HECTD4: variants seen among roughly 807,000 people sequenced by gnomAD.
The protein encoded by HECTD4 is probable E3 ubiquitin-protein ligase HECTD4.
HECTD4 carries 114 observed loss-of-function variants against 471.5 expected under a neutral mutation model. The observed-to-expected ratio is 0.24, with a 90% CI of 0.21 to 0.28. HECTD4 has a LOEUF of 0.28. Ranked by LOEUF, HECTD4 falls within the 10% of genes least tolerant of loss-of-function variation. HECTD4 has a pLI of 1.00. For synonymous variants in HECTD4, 2,012 were observed against 2,256.0 expected (o/e 0.89, Z 3.07); for missense variants, 3,866 against 5,651.5 (o/e 0.68, Z 10.13).
Position 112,163,342 on chromosome 12 carries a change from G to T in HECTD4, c.12898-78C>A, listed in dbSNP as rs1184298408. On this transcript the variant is annotated intron_variant, in intron 74 of 75. Coordinates refer to ENST00000682272, the MANE Select transcript of HECTD4 (RefSeq NM_001388303.1). This position sits in a 1 kb window ranked among gnomAD's most constrained non-coding sequence, Gnocchi z 8.2. ...GCCTCCCCAGCCCTGGGGTCTGCAGGCCAGGCCCAATCCTGGGGCAGGGTG... is the reference window on the plus strand; with the variant it reads ...GCCTCCCCAGCCCTGGGGTCTGCAGTCCAGGCCCAATCCTGGGGCAGGGTG... The T allele has an allele frequency of 3.7e-6, 5 of 1,350,690 alleles. No individual in the cohort carries two copies. The highest frequency in any genetic ancestry group is 4.1e-6 in the Non-Finnish European group (4 of 982,788). The allele number at this position is 1,350,690 out of a possible 1,614,324, so 83.7% of individuals were successfully genotyped here. A position where few individuals can be genotyped will look rare whatever the true frequency, so the allele number is the denominator to read the frequency against.
intron 38 of HECTD4, 48 bp from the exon 39 acceptor site, chr12:112,231,763 G>A (rs772532799): frequency 4.7e-6 from 7 of 1,492,804 alleles, no homozygotes; most frequent in Non-Finnish European, 6.4e-6. Flanking sequence ...AGTCTTCCCA[G>A]CACTATATTT....
chr12:112,337,440 G>GA (rs1176293336), intron 1 of HECTD4, among the ~76,000 whole-genome samples: 1 of 152,076 alleles, frequency 6.6e-6, no homozygotes, highest in Non-Finnish European at 1.5e-5. Context: ...GAGAGAAACA[G>GA]AAAAAAACTC....
intron 1 of HECTD4, among the ~76,000 whole-genome samples, chr12:112,332,466 A>C (rs1237333212): frequency 2.0e-5 from 3 of 148,044 alleles, no homozygotes; most frequent in Non-Finnish European, 4.4e-5. Context: ...GCTTGAACCC[A>C]GGAGGTGGAG....
chr12:112,333,691 A>C (rs2035886062), intron 1 of HECTD4, among the ~76,000 whole-genome samples: 1 of 152,208 alleles, frequency 6.6e-6, no homozygotes. Context: ...TTAAACAAAC[A>C]AACAAAAAAA....
At chr12:112,293,838 TA>T (rs1373023688) in intron 7 of HECTD4, among the ~76,000 whole-genome samples, 1 of 152,226 alleles carries the variant, frequency 6.6e-6, no homozygotes, top group Admixed American at 6.5e-5. Context: ...AAAATATTTT[TA>T]ATTAAAACAA....
At chr12:112,167,168 C>G in intron 72 of HECTD4, 149 bp downstream of exon 72, 3 of 623,998 alleles carry the variant, frequency 4.8e-6, no homozygotes, top group South Asian at 2.3e-5. Context: ...ATGAAATAAG[C>G]CTTCCTGGCA....
intron 70 of HECTD4, among the ~76,000 whole-genome samples, chr12:112,168,671 A>T (rs1207636048): frequency 6.6e-6 from 1 of 152,146 alleles, no homozygotes; most frequent in East Asian, 1.9e-4. Context: ...CTGACTGCTG[A>T]CGCCTGGAAG....
chr12:112,185,246 C>T lies in HECTD4; in HGVS notation c.9720G>A (p.Gly3240=), dbSNP rs760325995. Residue 3240 remains glycine (G), a synonymous_variant, in exon 61 of 76, where the codon GGG becomes GGA. Coordinates refer to ENST00000682272, the MANE Select transcript of HECTD4 (RefSeq NM_001388303.1). ...TGCCCTGGTCACCGGCCGCCGCCCCCCCGGAGCCCCCGCAGGCGCCGCCTG... is the reference window on the plus strand; with the variant it reads ...TGCCCTGGTCACCGGCCGCCGCCCCTCCGGAGCCCCCGCAGGCGCCGCCTG... The part of the protein sequence containing the change: ...WVSGGACGGS[G]GAAAGDQGRF... The T allele has an allele frequency of 1.3e-6, 2 of 1,550,178 alleles. No individual in the cohort carries two copies. The highest frequency in any genetic ancestry group is 8.7e-7 in the Non-Finnish European group (1 of 1,146,576).
intron 1 of HECTD4, among the ~76,000 whole-genome samples, chr12:112,324,947 T>C (rs981791992): frequency 6.6e-6 from 1 of 152,210 alleles, no homozygotes; most frequent in Non-Finnish European, 1.5e-5. Context: ...ACCAATCATC[T>C]ACTTATGTTA....
Position 112,367,222 on chromosome 12 carries a change from C to T in HECTD4, c.177+14730G>A, listed in dbSNP as rs186294921. 2.7e-3 allele frequency among the ~76,000 whole-genome samples: 407 copies of T among 149,682 alleles called. 2 individuals are homozygous for T. The highest frequency in any genetic ancestry group is 9.4e-3 in the African/African-American group (383 of 40,738). ...GAGGCTGAGGCAGAATCACTTGAACCGGGGAGGTAGAGGTTGCAGTGAGCC... is the reference window on the plus strand; with the variant it reads ...GAGGCTGAGGCAGAATCACTTGAACTGGGGAGGTAGAGGTTGCAGTGAGCC... On this transcript the variant is annotated intron_variant, in intron 1 of 75. Transcript: ENST00000682272.
At chr12:112,260,716 AC>A (rs2034126376) in intron 18 of HECTD4, among the ~76,000 whole-genome samples, 1 of 150,096 alleles carries the variant, frequency 6.7e-6, no homozygotes, top group African/African-American at 2.5e-5. Context: ...AGCTGGGACT[AC>A]AGGTGCCTGC....
intron 1 of HECTD4, among the ~76,000 whole-genome samples, chr12:112,366,301 AG>A (rs1296790890): frequency 6.6e-6 from 1 of 152,200 alleles, no homozygotes; most frequent in East Asian, 1.9e-4. Flanking sequence ...TGAGCTCAGG[AG>A]TTCAAGACAA....
intron 1 of HECTD4, among the ~76,000 whole-genome samples, chr12:112,369,215 T>C (rs905591193): frequency 6.6e-6 from 1 of 152,198 alleles, no homozygotes; most frequent in Admixed American, 6.5e-5. Context: ...TGGATGGCAC[T>C]GACAGAAAAC....
At position 112,269,657 on chromosome 12, in the gene HECTD4, G is replaced by A. The variant is rs755193078; in HGVS notation, c.2321+47C>T. The A allele has an allele frequency of 5.6e-6, 9 of 1,600,974 alleles. No individual in the cohort carries two copies. In the South Asian group the frequency reaches 1.0e-4, roughly 18 times the overall value. On this transcript the variant is annotated intron_variant, in intron 13 of 75. Coordinates refer to ENST00000682272, the MANE Select transcript of HECTD4 (RefSeq NM_001388303.1). The stretch of plus-strand genomic sequence containing the variant: ...TCAGGGAAGATTACAATGCCTTGCA[G>A]AAGAATCATTTTGCAGAGAGCACTA...
rs2031572399 is a variant in HECTD4, at chr12:112,179,151, G to A, written c.11211+23C>T. 1 of 1,613,332 alleles carries A rather than the reference G, an allele frequency of 6.2e-7. No homozygotes were observed. The highest frequency in any genetic ancestry group is 1.7e-5 in the Admixed American group (1 of 59,916). On this transcript the variant is annotated intron_variant, in intron 63 of 75. Coordinates refer to ENST00000682272, the MANE Select transcript of HECTD4 (RefSeq NM_001388303.1). The surrounding 1 kb of genome is among the most constrained non-coding windows in gnomAD (Gnocchi z 4.3). ...GCAGGGCACCCAAGGCCCGGCCTGG[G>A]TATGGTGGGGACGGGCAGCTACCTG...
chr12:112,279,964 ATCATGTAGGCAC>A (rs1281967282), intron 8 of HECTD4, among the ~76,000 whole-genome samples: 1 of 152,184 alleles, frequency 6.6e-6, no homozygotes, highest in Non-Finnish European at 1.5e-5. Context: ...TCCTTTGAGC[ATCATGTAGGCAC>A]TCAAAAAGTT....
At position 112,274,960 on chromosome 12, in the gene HECTD4, A is replaced by G; in HGVS notation, c.1688T>C (p.Ile563Thr). Residue 563 changes from isoleucine (I) to threonine (T), a missense_variant and splice_region_variant, in exon 10 of 76, where the codon ATC (isoleucine) becomes ACC (threonine). Ile to Thr is a moderately conservative substitution (Grantham distance 89). This residue lies in a region of HECTD4 where 525 missense variants were observed against 672.6 expected (regional missense o/e 0.78). Transcript: ENST00000682272. ...ATTATACACCAAGCTGGAGGCTAGG[A>G]CTTTGGAAACAAACATTAAGCTGTT... ...GGTSGLSSLK[I>T]LASSLVYNIS... 1 of 1,526,496 alleles carries G rather than the reference A, an allele frequency of 6.6e-7. No homozygotes were observed. The highest frequency in any genetic ancestry group is 1.2e-5 in the South Asian group (1 of 83,340). 94.6% of individuals were successfully genotyped at this position (1,526,496 alleles called of 1,614,324 possible). A position where few individuals can be genotyped will look rare whatever the true frequency, so the allele number is the denominator to read the frequency against.
chr12:112,295,387 A>T (rs183837014), intron 7 of HECTD4, among the ~76,000 whole-genome samples: 2 of 151,050 alleles, frequency 1.3e-5, no homozygotes, highest in African/African-American at 4.9e-5. Context: ...TTTTTAAGAG[A>T]CAGGGTCTTA....
At chr12:112,327,756 T>C (rs1395177879) in intron 1 of HECTD4, among the ~76,000 whole-genome samples, 2 of 152,252 alleles carry the variant, frequency 1.3e-5, no homozygotes, top group Non-Finnish European at 2.9e-5. Flanking sequence ...GGAAATGCTT[T>C]CCTTACATCA....
Sources: gnomAD v4.1 joint callset for allele counts (sites outside exome capture counted in the v4.1 genomes callset) on GRCh38, gnomAD v4.1.1 for gene constraint, gnomAD v4.1.1 regional missense constraint, Gnocchi (gnomAD v3.1) non-coding constraint, MANE v1.5 for transcripts, NCBI Gene and HGNC (gene_info 2026-07-23, HGNC 2026-07-21) for gene names.